GPR89A: variants seen among roughly 807,000 people sequenced by gnomAD.
The protein encoded by GPR89A is G protein-coupled receptor 89A.
A neutral mutation model predicts 52.0 loss-of-function variants in GPR89A; 16 were observed. That is an observed-to-expected ratio of 0.31 (90% CI 0.21 to 0.47). GPR89A has a LOEUF of 0.47. Among genes scored for constraint, GPR89A ranks in the 20% least tolerant of loss-of-function variants. The pLI is 1.00. For synonymous variants in GPR89A, 55 were observed against 150.9 expected, an observed-to-expected ratio of 0.36 and a Z score of 4.66; for missense variants, 135 against 449.4, an observed-to-expected ratio of 0.30 and a Z score of 6.33.
intron 5 of GPR89A, among the ~76,000 whole-genome samples, chr1:145,629,454 A>G (rs1162585905): frequency 1.3e-5 from 2 of 152,190 alleles, no homozygotes; most frequent in Non-Finnish European, 2.9e-5. Context: ...TAGGAAAAAT[A>G]AAGAGTAACT....
Position 145,670,451 on chromosome 1 carries a change from C to T in GPR89A, c.*411C>T, listed in dbSNP as rs1353297611. 1 of 314,474 alleles carries T rather than the reference C, an allele frequency of 3.2e-6. No homozygotes were observed. The highest frequency in any genetic ancestry group is 6.1e-6 in the Non-Finnish European group (1 of 164,400). The allele number at this position is 314,474 out of a possible 1,614,324, so 19.5% of individuals were successfully genotyped here. ...TGCCTTGAGATTGACTCATTAAAAT[C>T]AGAGACTGTAACACTTTTGCCTTAC... On this transcript the variant is annotated 3_prime_UTR_variant, in exon 14 of 14. Transcript: ENST00000313835.
rs1368302118 is a variant in GPR89A, at chr1:145,608,037, T to G, written c.-97T>G. On this transcript the variant is annotated 5_prime_UTR_variant, in exon 1 of 14. Coordinates refer to ENST00000313835, the MANE Select transcript of GPR89A (RefSeq NM_001097612.2). ...GAGCCGCAGTCCCGGCTGCAGCACC[T>G]GGGAGAAGGCAGACCGTGTGAGGGG... 1.2e-5 allele frequency: 17 copies of G among 1,464,348 alleles called. No homozygotes were observed. In the East Asian group the frequency reaches 2.8e-4, roughly 24 times the overall value. The allele number at this position is 1,464,348 out of a possible 1,614,324, so 90.7% of individuals were successfully genotyped here. A position where few individuals can be genotyped will look rare whatever the true frequency, so the allele number is the denominator to read the frequency against.
Position 145,666,325 on chromosome 1 carries a change from T to C in GPR89A, c.1095+674T>C, listed in dbSNP as rs1159535529. ...GTGAGAGTCACTTACAGAGAAGATA[T>C]GGAAGTAAGGGAGCAGAATATAGCA... On this transcript the variant is annotated intron_variant, in intron 12 of 13. Transcript: ENST00000313835. Among the ~76,000 whole-genome samples the C allele has an allele frequency of 2.7e-5, 4 of 148,240 alleles. No homozygotes were observed. In the East Asian group the frequency reaches 5.9e-4, roughly 22 times the overall value.
chr1:145,635,845 G>A (rs1650200178), intron 7 of GPR89A, among the ~76,000 whole-genome samples: 1 of 152,168 alleles, frequency 6.6e-6, no homozygotes, highest in Admixed American at 6.5e-5. Context: ...TGTAATCCCA[G>A]CTACTTGGGA....
intron 8 of GPR89A, chr1:145,645,494 C>A (rs1650921043): frequency 2.3e-6 from 1 of 431,454 alleles, no homozygotes; most frequent in Non-Finnish European, 4.6e-6. Context: ...AGCCCCTGTT[C>A]TCTAAATGGG....
Position 145,646,523 on chromosome 1 carries a change from G to C in GPR89A, c.816+251G>C, listed in dbSNP as rs587595387. 1.4e-3 allele frequency: 677 copies of C among 468,396 alleles called. 3 individuals are homozygous for C. The highest frequency in any genetic ancestry group is 3.3e-3 in the South Asian group (125 of 37,964). 29.0% of individuals were successfully genotyped at this position (468,396 alleles called of 1,614,324 possible). A position where few individuals can be genotyped will look rare whatever the true frequency, so the allele number is the denominator to read the frequency against. On this transcript the variant is annotated intron_variant, in intron 9 of 13. Transcript: ENST00000313835. ...GTCAGAAGAGGCTTTTCAACATTTA[G>C]GAAGGTGGCACGTACCACCTCCTAC...
At chr1:145,621,486 C>T (rs1234763232) in intron 3 of GPR89A, among the ~76,000 whole-genome samples, 1 of 151,702 alleles carries the variant, frequency 6.6e-6, no homozygotes, top group Non-Finnish European at 1.5e-5. Context: ...TACCTGTTAC[C>T]ATTGTTGTTC....
chr1:145,664,186 CT>C (rs1415386891), intron 11 of GPR89A, among the ~76,000 whole-genome samples: 1 of 151,796 alleles, frequency 6.6e-6, no homozygotes, highest in Non-Finnish European at 1.5e-5. Flanking sequence ...AGACGTGCCC[CT>C]AATCTCAAAA....
chr1:145,645,074 G>A (rs1345311108), intron 8 of GPR89A: 1 of 154,150 alleles, frequency 6.5e-6, no homozygotes, highest in Non-Finnish European at 1.4e-5. Context: ...AAAGAAAAAG[G>A]ATTAATTTAG....
intron 10 of GPR89A, among the ~76,000 whole-genome samples, chr1:145,648,797 T>A (rs1474809829): frequency 1.5e-3 from 1 of 678 alleles, no homozygotes; most frequent in Non-Finnish European, 2.7e-3. Flanking sequence ...GGAAGCATGT[T>A]CTTTTTTTTT....
At chr1:145,662,160 GTTTCTGACTAAT>G (rs1245769986) in intron 10 of GPR89A, among the ~76,000 whole-genome samples, 1 of 152,106 alleles carries the variant, frequency 6.6e-6, no homozygotes, top group Non-Finnish European at 1.5e-5. Context: ...TATTATTAGA[GTTTCTGACTAAT>G]TTTATCAGTT....
intron 1 of GPR89A, among the ~76,000 whole-genome samples, chr1:145,609,137 G>C (rs587743282): frequency 9.2e-5 from 14 of 152,270 alleles, no homozygotes; most frequent in African/African-American, 3.4e-4. Flanking sequence ...TTCCAATAAA[G>C]ATTTTGTGTG....
At chr1:145,626,225 G>C (rs1649486860) in intron 5 of GPR89A, among the ~76,000 whole-genome samples, 1 of 151,096 alleles carries the variant, frequency 6.6e-6, no homozygotes. Context: ...CAGGGCTGCT[G>C]ACAGGGCAAA....
chr1:145,625,264 C>T (rs1168434530), intron 5 of GPR89A, among the ~76,000 whole-genome samples: 6 of 149,466 alleles, frequency 4.0e-5, no homozygotes, highest in South Asian at 2.2e-4. Flanking sequence ...TCTTAGGTGG[C>T]GTATGAGACC....
intron 10 of GPR89A, among the ~76,000 whole-genome samples, chr1:145,652,597 G>T (rs1452446005): frequency 4.0e-5 from 5 of 125,522 alleles, no homozygotes; most frequent in Admixed American, 8.4e-5. Flanking sequence ...TTTTACCTCT[G>T]AATTCAGCTG....
In GPR89A at chr1:145,647,080, T is replaced by A. The variant is rs1420069287; in HGVS notation, c.817-95T>A. On this transcript the variant is annotated intron_variant, in intron 9 of 13. Coordinates refer to ENST00000313835, the MANE Select transcript of GPR89A (RefSeq NM_001097612.2). ...TATTACAATGTATGGTTTTTTGACT[T>A]AGCCTGAACAGTGATTCATAGAGGG... 2.3e-4 allele frequency: 347 copies of A among 1,522,550 alleles called. 1 individual carries two copies. The highest frequency in any genetic ancestry group is 7.1e-4 in the Middle Eastern group (3 of 4,206). 94.3% of individuals were successfully genotyped at this position (1,522,550 alleles called of 1,614,324 possible).
rs186450044 is a variant in GPR89A, at chr1:145,636,498, G to T, written c.617+4754G>T. On this transcript the variant is annotated intron_variant, in intron 7 of 13. Transcript: ENST00000313835. ...CAAAAAAGTTAATGGTTTAAAATGG[G>T]AGGAGGAAAGAGGCATACGTCTTCC... 6.5e-3 allele frequency among the ~76,000 whole-genome samples: 985 copies of T among 151,150 alleles called. 6 individuals are homozygous for T. Among genetic ancestry groups the T allele is most frequent in the Non-Finnish European group, 0.01 (703 of 67,876 alleles).
chr1:145,660,782 C>A (rs1458610779), intron 10 of GPR89A, among the ~76,000 whole-genome samples: 2 of 151,650 alleles, frequency 1.3e-5, no homozygotes, highest in East Asian at 3.9e-4. Context: ...GTTAGAATGG[C>A]AATCATTAAA....
Position 145,647,875 on chromosome 1 carries a change from CTCTCTA to C in GPR89A, c.909+610_909+615del, listed in dbSNP as rs1651150566. On this transcript the variant is annotated intron_variant, in intron 10 of 13. Transcript: ENST00000313835. ...CCTCTCTCTCTCTCTCTCTCTCTCT[CTCTCTA>C]TATATATATATATATATATATATAT... Among the ~76,000 whole-genome samples, 575 of 64,454 alleles carry C rather than the reference CTCTCTA, an allele frequency of 8.9e-3. 3 individuals are homozygous for C. Among genetic ancestry groups the C allele is most frequent in the East Asian group, 0.021 (45 of 2,096 alleles). 42.3% of individuals were successfully genotyped at this position (64,454 alleles called of 152,430 possible).
Sources: gnomAD v4.1 joint callset for allele counts (sites outside exome capture counted in the v4.1 genomes callset) on GRCh38, gnomAD v4.1.1 for gene constraint, MANE v1.5 for transcripts, NCBI Gene and HGNC (gene_info 2026-07-23, HGNC 2026-07-21) for gene names.